The following MACROD2 variants were observed in gnomAD, a reference collection of about 807,000 sequenced individuals.
MACROD2 encodes ADP-ribose glycohydrolase MACROD2.
In MACROD2, 36 loss-of-function variants were observed where a neutral mutation model predicts 70.4. The ratio of observed to expected loss-of-function variants is 0.51; its 90% confidence interval spans 0.39 to 0.68. MACROD2 has a LOEUF of 0.68. MACROD2 is among the 30% of genes least tolerant of loss of function. MACROD2 has a pLI of 0.00. For synonymous variants in MACROD2, 172 were observed against 178.8 expected (o/e 0.96, Z 0.30); for missense variants, 496 against 538.4 (o/e 0.92, Z 0.78).
At chr20:15,445,358 A>T (rs1404693870) in intron 7 of MACROD2, among the ~76,000 whole-genome samples, 1 of 152,164 alleles carries the variant, frequency 6.6e-6, no homozygotes, top group African/African-American at 2.4e-5. Context: ...AAAAATAGTC[A>T]ACTTGCTTAA....
intron 7 of MACROD2, among the ~76,000 whole-genome samples, chr20:15,476,277 A>C (rs1262264714): frequency 6.6e-6 from 1 of 152,226 alleles, no homozygotes; most frequent in Non-Finnish European, 1.5e-5. Flanking sequence ...TATTTATCAA[A>C]AGAGCACTTT....
rs1166239922 is a variant in MACROD2 at position 14,326,784 on chromosome 20, T to C, written c.272-166695T>C. The C allele has an allele frequency of 6.2e-7, 1 of 1,613,824 alleles. No individual in the cohort carries two copies. Among genetic ancestry groups the C allele is most frequent in the Non-Finnish European group, 8.5e-7 (1 of 1,179,808 alleles). On this transcript the variant is annotated intron_variant, in intron 3 of 17. Transcript: ENST00000684519. This position sits in a 1 kb window ranked among gnomAD's most constrained non-coding sequence, Gnocchi z 5.5. ...TCAGGTTTGTGCCTGGAAGGTTTAC[T>C]GGTGCAGCAGTCAGGGAATTCCGCA...
At chr20:15,161,435 G>A (rs1476992207) in intron 5 of MACROD2, among the ~76,000 whole-genome samples, 1 of 151,272 alleles carries the variant, frequency 6.6e-6, no homozygotes, top group Non-Finnish European at 1.5e-5. Flanking sequence ...CTGGTTAAAA[G>A]TGTTCATGTA....
intron 7 of MACROD2, among the ~76,000 whole-genome samples, chr20:15,455,229 ACAG>A (rs2046708434): frequency 2.0e-5 from 3 of 152,138 alleles, no homozygotes; most frequent in Non-Finnish European, 4.4e-5. Context: ...TAACAGAAAA[ACAG>A]CAGAACACTC....
intron 2 of MACROD2, among the ~76,000 whole-genome samples, chr20:14,005,664 G>A (rs541278535): frequency 1.3e-5 from 2 of 151,554 alleles, no homozygotes; most frequent in Non-Finnish European, 2.9e-5. Flanking sequence ...GTGCAGTGGC[G>A]CGATGTGGGC....
intron 5 of MACROD2, among the ~76,000 whole-genome samples, chr20:14,879,952 A>AG (rs1314689900): frequency 6.6e-6 from 1 of 152,188 alleles, no homozygotes; most frequent in Admixed American, 6.5e-5. Flanking sequence ...TGCAAATCTT[A>AG]GTAGGAATTA....
chr20:15,771,033 C>T (rs2051615723), intron 8 of MACROD2, among the ~76,000 whole-genome samples: 1 of 152,122 alleles, frequency 6.6e-6, no homozygotes, highest in South Asian at 2.1e-4. Context: ...AACAATAATC[C>T]AATTTTCCAC....
intron 5 of MACROD2, among the ~76,000 whole-genome samples, chr20:15,150,089 C>T (rs1028222958): frequency 1.3e-5 from 2 of 151,970 alleles, no homozygotes; most frequent in Admixed American, 6.6e-5. Context: ...TGGACACTAT[C>T]GGCAGGGAGA....
intron 15 of MACROD2, among the ~76,000 whole-genome samples, chr20:16,034,884 C>T (rs2067202054): frequency 6.6e-6 from 1 of 151,400 alleles, no homozygotes; most frequent in Non-Finnish European, 1.5e-5. Flanking sequence ...TAGCTTAGCT[C>T]CCACATATCA....
chr20:15,329,044 T>C (rs2077963339), intron 6 of MACROD2, among the ~76,000 whole-genome samples: 3 of 152,252 alleles, frequency 2.0e-5, no homozygotes, highest in Middle Eastern at 6.8e-3. Flanking sequence ...AAAATTCTTA[T>C]GAAATAATGC....
chr20:14,691,027 C>T (rs1367181623), intron 5 of MACROD2, among the ~76,000 whole-genome samples: 1 of 152,216 alleles, frequency 6.6e-6, no homozygotes, highest in African/African-American at 2.4e-5. Flanking sequence ...AAGCGATTCT[C>T]CTGCCTCATC....
At chr20:15,816,027 T>C (rs2063870614) in intron 8 of MACROD2, among the ~76,000 whole-genome samples, 2 of 152,012 alleles carry the variant, frequency 1.3e-5, no homozygotes, top group South Asian at 4.2e-4. Context: ...TCCCTCTGCG[T>C]GTGTGTGTTT....
At chr20:15,772,622 C>T (rs918644038) in intron 8 of MACROD2, among the ~76,000 whole-genome samples, 1 of 152,060 alleles carries the variant, frequency 6.6e-6, no homozygotes, top group Non-Finnish European at 1.5e-5. Flanking sequence ...AATAGTTCCT[C>T]ATGGTTAGGG....
chr20:16,012,391 T>C (rs537524537), intron 15 of MACROD2, among the ~76,000 whole-genome samples: 10 of 152,318 alleles, frequency 6.6e-5, no homozygotes, highest in African/African-American at 2.4e-4. Flanking sequence ...CTGGGAGTGT[T>C]CAAAATTCCA....
At chr20:15,385,734 C>T (rs2045704033) in intron 6 of MACROD2, among the ~76,000 whole-genome samples, 1 of 152,046 alleles carries the variant, frequency 6.6e-6, no homozygotes, top group African/African-American at 2.4e-5. Context: ...AAGAGAAATC[C>T]ACTCTTACTT....
intron 5 of MACROD2, among the ~76,000 whole-genome samples, chr20:14,980,726 T>C (rs912924414): frequency 6.6e-6 from 1 of 152,158 alleles, no homozygotes. Context: ...CTGGTTGCCA[T>C]TTTTATTGAC....
intron 4 of MACROD2, among the ~76,000 whole-genome samples, chr20:14,568,647 A>G (rs1979968260): frequency 6.6e-6 from 1 of 152,048 alleles, no homozygotes; most frequent in South Asian, 2.1e-4. Context: ...AAATTATTAT[A>G]TGGGTTTGTG....
intron 5 of MACROD2, among the ~76,000 whole-genome samples, chr20:15,220,849 A>G (rs2076854248): frequency 6.6e-6 from 1 of 152,220 alleles, no homozygotes. Context: ...TCATGGAACA[A>G]TTGCCCTATG....
intron 7 of MACROD2, among the ~76,000 whole-genome samples, chr20:15,488,905 T>C (rs780251323): frequency 2.6e-5 from 4 of 152,168 alleles, no homozygotes; most frequent in African/African-American, 9.7e-5. Context: ...AGAATAGAAT[T>C]TGTTTCACGA....
Sources: allele counts gnomAD v4.1 joint callset (sites outside exome capture counted in the v4.1 genomes callset), GRCh38; gene constraint gnomAD v4.1.1; non-coding constraint Gnocchi (gnomAD v3.1); transcripts MANE v1.5; gene names NCBI Gene and HGNC (gene_info 2026-07-23, HGNC 2026-07-21).